Variants in UBE3B observed in about 807,000 individuals in gnomAD.
UBE3B encodes ubiquitin protein ligase E3B.
A neutral mutation model predicts 132.3 loss-of-function variants in UBE3B; 80 were observed. The observed-to-expected ratio is 0.60, with a 90% CI of 0.50 to 0.73. UBE3B has a LOEUF of 0.73. Among genes scored for constraint, UBE3B ranks in the 30% least tolerant of loss-of-function variants. UBE3B has a pLI of 0.00. For missense variants in UBE3B, 1,196 were observed against 1,362.5 expected (o/e 0.88, Z 1.92); for synonymous variants, 487 against 520.4 (o/e 0.94, Z 0.87).
At position 109,524,640 on chromosome 12, in the gene UBE3B, A is replaced by G; in HGVS notation, c.2568+137A>G. The G allele has an allele frequency of 6.6e-6, 6 of 904,528 alleles. No individual in the cohort carries two copies. In the Admixed American group the frequency reaches 1.2e-4, roughly 18 times the overall value. 56.0% of individuals were successfully genotyped at this position (904,528 alleles called of 1,614,324 possible). On this transcript the variant is annotated intron_variant, in intron 23 of 27. Coordinates refer to ENST00000342494, the MANE Select transcript of UBE3B (RefSeq NM_130466.4). ...CCCTTGTCCTCCCCACCCCTCGCCC[A>G]TCCTCCTCCCCTCTTGCCAGGAGGG...
chr12:109,516,725 T>G (rs1231817203), intron 18 of UBE3B, 40 bp from the exon 19 acceptor site: 8 of 1,598,684 alleles, frequency 5.0e-6, no homozygotes, highest in East Asian at 4.5e-5. Context: ...ATCGTCAGTT[T>G]GCTGACCCTG....
chr12:109,529,952 C>G lies in UBE3B; in HGVS notation c.2690C>G (p.Ala897Gly). 3 of 1,614,220 alleles carry G rather than the reference C, an allele frequency of 1.9e-6. No individual in the cohort carries two copies. Among genetic ancestry groups the G allele is most frequent in the African/African-American group, 1.3e-5 (1 of 75,054 alleles). The change falls in exon 25 of 28, where the codon GCT becomes GGT. Residue 897 changes from alanine (A) to glycine (G), a missense_variant. Transcript: ENST00000342494. ...CACACTCAAATAAAAAACCAAACAG[C>G]TGCCCTCATTAGCGGATTCCGTTCC... ...RMHTQIKNQT[A>G]ALISGFRSII...
At chr12:109,543,906 C>A in the UBE3B span, among the ~76,000 whole-genome samples, 1 of 151,982 alleles carries the variant, frequency 6.6e-6, no homozygotes, top group Admixed American at 6.5e-5. Flanking sequence ...AGGGTTGGAG[C>A]GGGCCTCTCA....
the UBE3B span, among the ~76,000 whole-genome samples, chr12:109,544,096 C>T: frequency 2.0e-5 from 3 of 152,132 alleles, no homozygotes; most frequent in South Asian, 2.1e-4. Context: ...AAGAAGAGAG[C>T]GAGCTGGTTC....
rs898403839 is a variant in UBE3B at position 109,486,108 on chromosome 12, C to CT, written c.342+39dup. Reference sequence around the variant, plus strand: ...GGAGCCGCAGTGTCTCCCACAAGCTCTTAAGGGCCAACCTACTGGGCTCTG... The same window carrying CT: ...GGAGCCGCAGTGTCTCCCACAAGCTCTTTAAGGGCCAACCTACTGGGCTCTG... On this transcript the variant is annotated intron_variant, in intron 5 of 27. Transcript: ENST00000342494. 13 of 1,552,114 alleles carry CT rather than the reference C, an allele frequency of 8.4e-6. No individual in the cohort carries two copies. The Admixed American group carries it at 1.2e-4, about 14-fold the overall frequency.
chr12:109,532,529 C>T (rs1883037125), intron 26 of UBE3B, among the ~76,000 whole-genome samples: 1 of 152,178 alleles, frequency 6.6e-6, no homozygotes, highest in African/African-American at 2.4e-5. Flanking sequence ...GTGACAAGCC[C>T]CTGTATCCCC....
the UBE3B span, among the ~76,000 whole-genome samples, chr12:109,546,569 G>A: frequency 6.6e-6 from 1 of 152,204 alleles, no homozygotes; most frequent in Non-Finnish European, 1.5e-5. Flanking sequence ...GCATGCAGGG[G>A]TCTTTAGGGA....
intron 8 of UBE3B, chr12:109,490,802 GTTTTTTGT>G (rs572010570): frequency 3.1e-4 from 408 of 1,323,212 alleles, no homozygotes; most frequent in East Asian, 1.9e-3. Flanking sequence ...ACTGCATACG[GTTTTTTGT>G]TTTTTTGTTT....
Position 109,486,530 on chromosome 12 carries a change from C to G in UBE3B, c.402C>G (p.Ile134Met), listed in dbSNP as rs771145796. The part of the protein sequence containing the change: ...KDLTLLWIQQ[I>M]KNILWYCCDF... ...TCACCCTCCTTTGGATTCAACAGATCAAGAACATTTTGTGGTACTGCTGTG... is the reference window on the plus strand; with the variant it reads ...TCACCCTCCTTTGGATTCAACAGATGAAGAACATTTTGTGGTACTGCTGTG... The change falls in exon 6 of 28, where the codon ATC (isoleucine) becomes ATG (methionine). Residue 134 changes from isoleucine (I) to methionine (M), a missense_variant. By Grantham distance (10) the Ile-to-Met change is conservative. Transcript: ENST00000342494. 2.2e-6 allele frequency: 3 copies of G among 1,381,044 alleles called. No individual in the cohort carries two copies. Among genetic ancestry groups the G allele is most frequent in the South Asian group, 2.3e-5 (2 of 86,836 alleles). The allele number at this position is 1,381,044 out of a possible 1,614,324, so 85.5% of individuals were successfully genotyped here. A position where few individuals can be genotyped will look rare whatever the true frequency, so the allele number is the denominator to read the frequency against.
Position 109,507,717 on chromosome 12 carries a change from G to C in UBE3B, c.1604G>C (p.Cys535Ser), listed in dbSNP as rs781506345. The change falls in exon 15 of 28, where the codon TGT (cysteine) becomes TCT (serine). Residue 535 changes from cysteine (C) to serine (S), a missense_variant. Coordinates refer to ENST00000342494, the MANE Select transcript of UBE3B (RefSeq NM_130466.4). ...GCCATGCTGATGCTGTTCTGTGACT[G>C]TTCGCGGCACCTCATCACGTAGGTT... ...LLAMLMLFCD[C>S]SRHLITILDD... 1 of 1,613,166 alleles carries C rather than the reference G, an allele frequency of 6.2e-7. No individual in the cohort carries two copies. Among genetic ancestry groups the C allele is most frequent in the Non-Finnish European group, 8.5e-7 (1 of 1,179,654 alleles).
chr12:109,491,273 C>T, intron 9 of UBE3B, 146 bp downstream of exon 9: 3 of 638,354 alleles, frequency 4.7e-6, no homozygotes, highest in Non-Finnish European at 2.5e-6. Flanking sequence ...TGAAAGTGAG[C>T]ACATTTGTGA....
intron 14 of UBE3B, among the ~76,000 whole-genome samples, chr12:109,503,785 T>C (rs1879308630): frequency 6.6e-6 from 1 of 152,158 alleles, no homozygotes; most frequent in South Asian, 2.1e-4. Flanking sequence ...TGCAGCACAG[T>C]TGTTGTTATG....
At position 109,521,070 on chromosome 12, in the gene UBE3B, GCA is replaced by G. The variant is rs1881651053; in HGVS notation, c.2077-75_2077-74del. On this transcript the variant is annotated intron_variant, in intron 19 of 27. Coordinates refer to ENST00000342494, the MANE Select transcript of UBE3B (RefSeq NM_130466.4). The surrounding 1 kb of genome is among the most constrained non-coding windows in gnomAD (Gnocchi z 4.2). ...TTGGTAATGATGCTGGGAGAGCTTCGCACAGAGGAGAGGGAACCCCGAATTGT... is the reference window on the plus strand; with the variant it reads ...TTGGTAATGATGCTGGGAGAGCTTCGCAGAGGAGAGGGAACCCCGAATTGT... The G allele has an allele frequency of 6.5e-7, 1 of 1,536,132 alleles. No individual in the cohort carries two copies. The highest frequency in any genetic ancestry group is 1.4e-5 in the African/African-American group (1 of 73,056).
intron 23 of UBE3B, among the ~76,000 whole-genome samples, 156 bp downstream of exon 23, chr12:109,524,659 A>G (rs958582962): frequency 2.6e-4 from 39 of 151,810 alleles, no homozygotes; most frequent in African/African-American, 8.9e-4. Context: ...CCCTCTTGCC[A>G]GGAGGGAGGG....
chr12:109,547,781 G>A, the UBE3B span, among the ~76,000 whole-genome samples: 1 of 151,880 alleles, frequency 6.6e-6, no homozygotes, highest in South Asian at 2.1e-4. This position sits in a 1 kb window ranked among gnomAD's most constrained non-coding sequence, Gnocchi z 4.1. Context: ...CCCACGGTGC[G>A]CGTGCTCCCT....
intron 4 of UBE3B, among the ~76,000 whole-genome samples, chr12:109,484,943 G>C (rs916664041): frequency 6.6e-6 from 1 of 151,724 alleles, no homozygotes; most frequent in Non-Finnish European, 1.5e-5. Context: ...TTTTTGTAGA[G>C]ATAGGGTTTT....
Position 109,521,639 on chromosome 12 carries a change from G to A in UBE3B, c.2364+88G>A. ...ACATACACATATGTGATCAGGCTTG[G>A]CCATGTAAACTGTCACTAGGATACA... On this transcript the variant is annotated intron_variant, in intron 21 of 27. Transcript: ENST00000342494. This position sits in a 1 kb window ranked among gnomAD's most constrained non-coding sequence, Gnocchi z 4.2. 7.8e-7 allele frequency: 1 copy of A among 1,276,676 alleles called. No homozygotes were observed. The highest frequency in any genetic ancestry group is 1.1e-6 in the Non-Finnish European group (1 of 936,850). 79.1% of individuals were successfully genotyped at this position (1,276,676 alleles called of 1,614,324 possible). A position where few individuals can be genotyped will look rare whatever the true frequency, so the allele number is the denominator to read the frequency against.
At chr12:109,513,757 T>A (rs572473883) in intron 18 of UBE3B, among the ~76,000 whole-genome samples, 19 of 152,294 alleles carry the variant, frequency 1.2e-4, no homozygotes, top group African/African-American at 4.1e-4. Context: ...GTTCATAAAA[T>A]GTCCTCCCTC....
Position 109,528,941 on chromosome 12 carries a change from C to T in UBE3B, c.2628-949C>T, listed in dbSNP as rs138718872. Among the ~76,000 whole-genome samples the T allele has an allele frequency of 6.0e-4, 92 of 152,188 alleles. 2 individuals are homozygous for T. The East Asian group carries it at 0.014, about 24-fold the overall frequency. On this transcript the variant is annotated intron_variant, in intron 24 of 27. Transcript: ENST00000342494. ...TGGGAGGCCGAGACGGGCAGATCAC[C>T]CGAGGTCAGGAGTTTGAGACCAGAC...
Sources: gnomAD v4.1 joint callset for allele counts (sites outside exome capture counted in the v4.1 genomes callset) on GRCh38, gnomAD v4.1.1 for gene constraint, Gnocchi (gnomAD v3.1) non-coding constraint, MANE v1.5 for transcripts, NCBI Gene and HGNC (gene_info 2026-07-23, HGNC 2026-07-21) for gene names.